The following UNC13C variants were observed in gnomAD, a reference collection of about 807,000 sequenced individuals.
UNC13C encodes unc-13 homolog C.
Under a neutral mutation model 245.4 loss-of-function variants are expected in UNC13C, and 174 were observed. The observed-to-expected ratio is 0.71, with a 90% CI of 0.63 to 0.80. UNC13C has a LOEUF of 0.80. Ranked by LOEUF, UNC13C falls within the 30% of genes least tolerant of loss-of-function variation. The pLI is 0.00. For missense variants in UNC13C, 2,829 were observed against 2,602.9 expected (o/e 1.09, Z -1.89); for synonymous variants, 992 against 895.1 (o/e 1.11, Z -1.93).
intron 2 of UNC13C, among the ~76,000 whole-genome samples, chr15:54,076,113 T>A (rs59342237): frequency 0.32 from 41,041 of 128,240 alleles, 6,177 homozygotes; most frequent in African/African-American, 0.42. Flanking sequence ...ATATATATAT[T>A]TTTTTTTATT....
chr15:53,974,988 T>C (rs1489550247), upstream of UNC13C: 1 of 152,262 alleles, frequency 6.6e-6, no homozygotes, highest in African/African-American at 2.4e-5. Context: ...CAGGAGTCCT[T>C]AGTTCCTTGC....
At chr15:54,611,950 T>G (rs1049919638) in intron 30 of UNC13C, among the ~76,000 whole-genome samples, 12 of 152,166 alleles carry the variant, frequency 7.9e-5, no homozygotes, top group African/African-American at 2.9e-4. Flanking sequence ...ATATTAACTC[T>G]GAACTGTCAA....
chr15:53,976,856 G>C (rs1363165870), upstream of UNC13C: 2 of 152,152 alleles, frequency 1.3e-5, no homozygotes, highest in African/African-American at 2.4e-5. Flanking sequence ...AACAGATTCA[G>C]TGAATAGGTG....
chr15:54,352,338 A>ATG (rs2039002130), intron 17 of UNC13C, among the ~76,000 whole-genome samples: 1 of 65,562 alleles, frequency 1.5e-5, no homozygotes, highest in African/African-American at 7.5e-5. Flanking sequence ...AATTATATAA[A>ATG]TGTATATATA....
At chr15:54,392,264 T>A (rs2039974373) in intron 17 of UNC13C, among the ~76,000 whole-genome samples, 1 of 152,104 alleles carries the variant, frequency 6.6e-6, no homozygotes, top group Non-Finnish European at 1.5e-5. Flanking sequence ...GTATGAAATT[T>A]ATATGTGAAA....
chr15:54,460,816 G>C (rs538060468), intron 19 of UNC13C, among the ~76,000 whole-genome samples: 11 of 152,294 alleles, frequency 7.2e-5, no homozygotes, highest in Non-Finnish European at 1.5e-4. Flanking sequence ...ACACTGTTCT[G>C]TCCATCCAAG....
rs1196170213 is a variant in UNC13C, at chr15:54,014,949, T to A, written c.2046T>A (p.Ser682Arg). 2.5e-6 allele frequency: 4 copies of A among 1,613,842 alleles called. No individual in the cohort carries two copies. Among genetic ancestry groups the A allele is most frequent in the East Asian group, 4.5e-5 (2 of 44,876 alleles). Residue 682 changes from serine to arginine, a missense_variant, in exon 2 of 33, where the codon AGT (serine) becomes AGA (arginine). By Grantham distance (110) the Ser-to-Arg change is moderately radical. Coordinates refer to ENST00000260323, the MANE Select transcript of UNC13C (RefSeq NM_001080534.3). Reference protein sequence around the residue: ...TQEGFDYETNSLFDQQLDVYN... With the variant: ...TQEGFDYETNRLFDQQLDVYN... ...AAGGTTTTGATTATGAAACAAACAG[T>A]CTTTTTGACCAACAGCTTGATGTTT...
chr15:54,298,691 T>A, intron 12 of UNC13C, among the ~76,000 whole-genome samples: 1 of 152,106 alleles, frequency 6.6e-6, no homozygotes, highest in Non-Finnish European at 1.5e-5. Context: ...CAAATCATCT[T>A]GGGAGTCTAT....
intron 19 of UNC13C, among the ~76,000 whole-genome samples, chr15:54,475,024 C>T (rs561554214): frequency 6.6e-6 from 1 of 151,978 alleles, no homozygotes; most frequent in Non-Finnish European, 1.5e-5. Flanking sequence ...GACTCAAACA[C>T]CTCCTATTAG....
intron 23 of UNC13C, among the ~76,000 whole-genome samples, chr15:54,508,207 A>C (rs894594715): frequency 2.1e-5 from 3 of 142,902 alleles, no homozygotes; most frequent in Admixed American, 6.8e-5. Flanking sequence ...TCTGATTACA[A>C]GATAATACAT....
the UNC13C span, among the ~76,000 whole-genome samples, chr15:53,953,444 ACT>A: frequency 6.6e-6 from 1 of 152,052 alleles, no homozygotes. Flanking sequence ...AACCCTAAGG[ACT>A]CTCTAGATCC....
At chr15:53,994,428 C>A (rs185816204) in intron 1 of UNC13C, among the ~76,000 whole-genome samples, 4 of 151,960 alleles carry the variant, frequency 2.6e-5, no homozygotes, top group African/African-American at 4.8e-5. Flanking sequence ...ATTATAAATG[C>A]CACACCCATT....
In UNC13C at chr15:54,014,316, A is replaced by G. The variant is rs755389646; in HGVS notation, c.1413A>G (p.Ser471=). ...ACAGTTACGCTGTGCTTTCCAAGTC[A>G]GAGCTTCTAACAAAGGGAAGTACTT... ...NRNSYAVLSK[S]ELLTKGSTSK... The change falls in exon 2 of 33, where the codon TCA becomes TCG. Residue 471 remains serine, a synonymous_variant. Transcript: ENST00000260323. The G allele has an allele frequency of 1.1e-5, 18 of 1,613,954 alleles. No individual in the cohort carries two copies. The highest frequency in any genetic ancestry group is 1.4e-5 in the Non-Finnish European group (16 of 1,179,848).
intron 19 of UNC13C, among the ~76,000 whole-genome samples, chr15:54,482,963 A>C (rs1432461922): frequency 6.6e-6 from 1 of 152,226 alleles, no homozygotes; most frequent in African/African-American, 2.4e-5. Flanking sequence ...TATAAAAATC[A>C]TTTGAATATT....
intron 4 of UNC13C, among the ~76,000 whole-genome samples, chr15:54,174,402 C>A (rs2033533852): frequency 6.6e-6 from 1 of 152,088 alleles, no homozygotes; most frequent in African/African-American, 2.4e-5. Context: ...GATCAACTTT[C>A]ATTTATTTGT....
chr15:54,419,408 A>C (rs7166020), intron 19 of UNC13C, among the ~76,000 whole-genome samples: 62,300 of 151,956 alleles, frequency 0.41, 12,968 homozygotes, highest in East Asian at 0.62. Context: ...CTCTGATACT[A>C]TTAGAAGTTC....
chr15:54,588,517 A>G (rs903923814), intron 30 of UNC13C, among the ~76,000 whole-genome samples: 1 of 151,966 alleles, frequency 6.6e-6, no homozygotes, highest in African/African-American at 2.4e-5. Context: ...TTTTTTTTCC[A>G]TAAGTTATTG....
chr15:54,418,929 C>G (rs1292406011), intron 19 of UNC13C, among the ~76,000 whole-genome samples: 2 of 152,114 alleles, frequency 1.3e-5, no homozygotes, highest in South Asian at 2.1e-4. Flanking sequence ...TCCACAGTTT[C>G]CTCCACTGGC....
At chr15:54,586,964 T>G (rs1198367645) in intron 30 of UNC13C, among the ~76,000 whole-genome samples, 1 of 152,158 alleles carries the variant, frequency 6.6e-6, no homozygotes, top group African/African-American at 2.4e-5. Context: ...CAATCAATAT[T>G]TACCAAATTC....
Sources: allele counts gnomAD v4.1 joint callset (sites outside exome capture counted in the v4.1 genomes callset), GRCh38; gene constraint gnomAD v4.1.1; transcripts MANE v1.5; gene names NCBI Gene and HGNC (gene_info 2026-07-23, HGNC 2026-07-21).